Variants in DPP6 observed in about 807,000 individuals in gnomAD.
The protein encoded by DPP6 is A-type potassium channel modulatory protein DPP6.
A neutral mutation model predicts 122.6 loss-of-function variants in DPP6; 69 were observed. The ratio of observed to expected loss-of-function variants is 0.56; its 90% confidence interval spans 0.46 to 0.69. The LOEUF (loss-of-function observed/expected upper bound fraction) is 0.69. Ranked by LOEUF, DPP6 falls within the 30% of genes least tolerant of loss-of-function variation. The pLI, the probability that DPP6 is intolerant of heterozygous loss-of-function variation, is 0.00. For synonymous variants in DPP6, 418 were observed against 433.1 expected, an observed-to-expected ratio of 0.97 and a Z score of 0.43; for missense variants, 928 against 1,116.9, an observed-to-expected ratio of 0.83 and a Z score of 2.41.
rs574980913 is a variant in DPP6 at position 154,649,875 on chromosome 7, G to C, written c.680+12002G>C. Among the ~76,000 whole-genome samples the C allele has an allele frequency of 1.1e-4, 17 of 152,306 alleles. No individual in the cohort carries two copies. The East Asian group carries it at 3.3e-3, about 29-fold the overall frequency. On this transcript the variant is annotated intron_variant, in intron 6 of 25. Transcript: ENST00000377770. The stretch of plus-strand genomic sequence containing the variant: ...CATGGAGCGGATTCCACGTGGCCCT[G>C]GGCACTCACCTCAGGAGTGGTTGAG...
chr7:154,297,903 G>A (rs1805646687), intron 1 of DPP6, among the ~76,000 whole-genome samples: 1 of 152,150 alleles, frequency 6.6e-6, no homozygotes. Context: ...TCCAGTTGCT[G>A]CCTGTCATGG....
chr7:154,198,373 G>A lies in DPP6; in HGVS notation c.243+145310G>A, dbSNP rs188068993. Among the ~76,000 whole-genome samples the A allele has an allele frequency of 6.2e-3, 937 of 151,860 alleles. 5 individuals are homozygous for A. Among genetic ancestry groups the A allele is most frequent in the African/African-American group, 0.021 (884 of 41,412 alleles). ...GTCGCCCAGGCTGGAGTGCAGTGGC[G>A]TGATCTCTACTCACTGCAACCTCCA... On this transcript the variant is annotated intron_variant, in intron 1 of 25. Transcript: ENST00000377770.
chr7:154,515,462 A>ACCTTCCTT (rs375492094), intron 3 of DPP6, among the ~76,000 whole-genome samples: 1 of 149,832 alleles, frequency 6.7e-6, no homozygotes, highest in South Asian at 2.1e-4. Flanking sequence ...GTTCCTTCCT[A>ACCTTCCTT]CCTTCCTTCC....
At chr7:153,870,692 A>C in the DPP6 span, among the ~76,000 whole-genome samples, 1 of 152,126 alleles carries the variant, frequency 6.6e-6, no homozygotes, top group African/African-American at 2.4e-5. Context: ...GTTGCTGGTG[A>C]GGTGCTGCGT....
intron 3 of DPP6, among the ~76,000 whole-genome samples, chr7:154,534,049 G>C (rs1268297090): frequency 1.3e-5 from 2 of 151,646 alleles, no homozygotes; most frequent in Non-Finnish European, 2.9e-5. Flanking sequence ...CATGACCAAT[G>C]GGTTTATCTT....
At chr7:154,234,951 C>G (rs1355566602) in intron 1 of DPP6, among the ~76,000 whole-genome samples, 1 of 152,148 alleles carries the variant, frequency 6.6e-6, no homozygotes, top group Non-Finnish European at 1.5e-5. Context: ...ATCTTGATAC[C>G]GGACACACAA....
intron 5 of DPP6, among the ~76,000 whole-genome samples, chr7:154,594,506 C>G (rs1563909173): frequency 6.6e-6 from 1 of 152,180 alleles, no homozygotes; most frequent in Non-Finnish European, 1.5e-5. Context: ...AATTGTCCTT[C>G]TCACCCCAGG....
chr7:154,258,141 G>A (rs1467454677), intron 1 of DPP6, among the ~76,000 whole-genome samples: 1 of 135,630 alleles, frequency 7.4e-6, no homozygotes, highest in Non-Finnish European at 1.6e-5. Context: ...GAGGCGAGGG[G>A]AGGGGAGGCG....
At chr7:154,489,182 T>C (rs1289059304) in intron 3 of DPP6, among the ~76,000 whole-genome samples, 2 of 152,198 alleles carry the variant, frequency 1.3e-5, no homozygotes, top group African/African-American at 4.8e-5. Context: ...GTTGCTTCTA[T>C]CACAGAACTT....
intron 1 of DPP6, among the ~76,000 whole-genome samples, chr7:154,252,942 TAAAA>T (rs1802439338): frequency 6.6e-6 from 1 of 152,138 alleles, no homozygotes; most frequent in African/African-American, 2.4e-5. Flanking sequence ...TCTGCCAGAA[TAAAA>T]ATAAAAATTT....
At chr7:153,760,703 C>A in the DPP6 span, among the ~76,000 whole-genome samples, 3 of 152,068 alleles carry the variant, frequency 2.0e-5, no homozygotes, top group Non-Finnish European at 4.4e-5. Context: ...TTTGCGTATT[C>A]TATGAAATGT....
At chr7:153,798,011 T>G in the DPP6 span, among the ~76,000 whole-genome samples, 1 of 152,104 alleles carries the variant, frequency 6.6e-6, no homozygotes, top group Admixed American at 6.5e-5. Flanking sequence ...CCAGCTAATT[T>G]TTTTGTATTT....
In DPP6 at chr7:154,753,617, G is replaced by A. The variant is rs149658604; in HGVS notation, c.884-15800G>A. ...GAAGCTCACGTGCCAGTGTGGAATC[G>A]ACACCCTCATTCTCTTTAGTATCAT... On this transcript the variant is annotated intron_variant, in intron 8 of 25. Coordinates refer to ENST00000377770, the MANE Select transcript of DPP6 (RefSeq NM_130797.4). Among the ~76,000 whole-genome samples, 327 of 152,310 alleles carry A rather than the reference G, an allele frequency of 2.1e-3. 2 individuals are homozygous for A. Among genetic ancestry groups the A allele is most frequent in the Non-Finnish European group, 3.7e-3 (251 of 68,022 alleles).
At chr7:153,994,316 C>G (rs1452244597) in intron 1 of DPP6, among the ~76,000 whole-genome samples, 1 of 151,832 alleles carries the variant, frequency 6.6e-6, no homozygotes. Flanking sequence ...GTGCCAACCC[C>G]ATCAATTTTC....
chr7:154,002,137 G>A (rs1797717716), intron 1 of DPP6, among the ~76,000 whole-genome samples: 1 of 152,200 alleles, frequency 6.6e-6, no homozygotes, highest in Admixed American at 6.6e-5. Flanking sequence ...AGTTTAAGAG[G>A]AGGAAACAGG....
intron 10 of DPP6, among the ~76,000 whole-genome samples, chr7:154,779,057 AT>A (rs1796820771): frequency 7.8e-4 from 2 of 2,564 alleles, no homozygotes; most frequent in East Asian, 0.011. Context: ...TACCCCCACC[AT>A]CACCACCATC....
chr7:153,964,096 A>G (rs578081475), intron 1 of DPP6, among the ~76,000 whole-genome samples: 2 of 152,246 alleles, frequency 1.3e-5, no homozygotes, highest in East Asian at 3.9e-4. Context: ...CCCGGGCTCA[A>G]GTGATTCTCC....
chr7:154,748,886 T>G (rs186713134), intron 8 of DPP6, among the ~76,000 whole-genome samples: 90 of 152,296 alleles, frequency 5.9e-4, no homozygotes, highest in Non-Finnish European at 1.1e-3. Flanking sequence ...CTTGCTGCAT[T>G]TGGGTATTTC....
chr7:153,847,664 C>T, the DPP6 span, among the ~76,000 whole-genome samples: 1 of 152,156 alleles, frequency 6.6e-6, no homozygotes, highest in African/African-American at 2.4e-5. Context: ...TTAGCAGACA[C>T]TCCAAAGTGT....
Sources: allele counts gnomAD v4.1 joint callset (sites outside exome capture counted in the v4.1 genomes callset), GRCh38; gene constraint gnomAD v4.1.1; transcripts MANE v1.5; gene names NCBI Gene and HGNC (gene_info 2026-07-23, HGNC 2026-07-21).